The following HCN1 variants were observed in gnomAD, a reference collection of about 807,000 sequenced individuals.
HCN1 encodes hyperpolarization activated cyclic nucleotide gated potassium channel 1, also known as potassium/sodium hyperpolarization-activated cyclic nucleotide-gated channel 1.
In HCN1, 13 loss-of-function variants were observed where a neutral mutation model predicts 78.9. That is an observed-to-expected ratio of 0.16 (90% CI 0.11 to 0.26). The LOEUF (loss-of-function observed/expected upper bound fraction) is 0.26, where lower values mean the gene tolerates loss of function less well. Among genes scored for constraint, HCN1 ranks in the 10% least tolerant of loss-of-function variants. The probability of loss-of-function intolerance (pLI) is 1.00; values close to 1 mark genes in which losing one functional copy is unlikely to be tolerated. For missense variants in HCN1, 810 were observed against 1,154.3 expected, an observed-to-expected ratio of 0.70 and a Z score of 4.32; for synonymous variants, 552 against 455.5, an observed-to-expected ratio of 1.21 and a Z score of -2.70.
At chr5:45,598,628 G>A (rs376193487) in intron 2 of HCN1, among the ~76,000 whole-genome samples, 14 of 152,134 alleles carry the variant, frequency 9.2e-5, no homozygotes, top group African/African-American at 3.1e-4. Context: ...CAGTGAACAG[G>A]CAACCTACAG....
intron 2 of HCN1, among the ~76,000 whole-genome samples, chr5:45,565,659 C>T (rs1368087631): frequency 3.3e-5 from 5 of 151,712 alleles, no homozygotes; most frequent in Non-Finnish European, 5.9e-5. Context: ...CTCACCTCTA[C>T]AAAAAAATCA....
At chr5:45,480,997 G>A (rs1023686932) in intron 2 of HCN1, among the ~76,000 whole-genome samples, 4 of 152,312 alleles carry the variant, frequency 2.6e-5, no homozygotes, top group African/African-American at 7.2e-5. Flanking sequence ...ATGCTAGAAT[G>A]TAAGGCTTAG....
At chr5:45,651,812 A>T (rs1223505548) in intron 1 of HCN1, among the ~76,000 whole-genome samples, 2 of 151,998 alleles carry the variant, frequency 1.3e-5, no homozygotes, top group Non-Finnish European at 2.9e-5. Context: ...TCACAAGGCC[A>T]AATTTATTAT....
At chr5:45,373,555 A>G (rs1223437848) in intron 4 of HCN1, among the ~76,000 whole-genome samples, 2 of 141,224 alleles carry the variant, frequency 1.4e-5, no homozygotes, top group Non-Finnish European at 3.0e-5. Context: ...TCTATAATAT[A>G]TATTACATAC....
intron 6 of HCN1, among the ~76,000 whole-genome samples, chr5:45,279,635 A>G (rs1046206518): frequency 5.3e-5 from 8 of 152,062 alleles, no homozygotes; most frequent in African/African-American, 1.9e-4. Flanking sequence ...ACCATAATAA[A>G]ATCTCATATG....
intron 2 of HCN1, among the ~76,000 whole-genome samples, chr5:45,566,781 T>C (rs2111893063): frequency 6.6e-6 from 1 of 152,268 alleles, no homozygotes; most frequent in Non-Finnish European, 1.5e-5. Context: ...CTGGGACGGG[T>C]TCCTCCCTAT....
intron 2 of HCN1, among the ~76,000 whole-genome samples, chr5:45,566,028 T>C (rs1484999441): frequency 6.6e-6 from 1 of 152,194 alleles, no homozygotes; most frequent in Non-Finnish European, 1.5e-5. Flanking sequence ...TGAATACTGC[T>C]AATTAGTCAT....
chr5:45,588,486 T>A (rs1342280362), intron 2 of HCN1, among the ~76,000 whole-genome samples: 1 of 152,172 alleles, frequency 6.6e-6, no homozygotes, highest in African/African-American at 2.4e-5. Context: ...AAATCCTAGG[T>A]AATCTTTACT....
rs569745966 is a variant in HCN1, at chr5:45,543,327, A to T, written c.850-81320T>A. 7.9e-5 allele frequency among the ~76,000 whole-genome samples: 12 copies of T among 152,216 alleles called. No homozygotes were observed. In the South Asian group the frequency reaches 2.5e-3, roughly 32 times the overall value. ...AAGGAGATAAAAAAAATAAAAAAAT[A>T]AAACCTCCCCAGAAAATATTGGGAA... On this transcript the variant is annotated intron_variant, in intron 2 of 7. Coordinates refer to ENST00000303230, the MANE Select transcript of HCN1 (RefSeq NM_021072.4).
At chr5:45,586,261 G>A (rs937872642) in intron 2 of HCN1, among the ~76,000 whole-genome samples, 13 of 152,188 alleles carry the variant, frequency 8.5e-5, no homozygotes, top group Non-Finnish European at 7.3e-5. Flanking sequence ...CCGCCTTGCA[G>A]TTTGATCTCA....
At chr5:45,605,719 C>T (rs1363932527) in intron 2 of HCN1, among the ~76,000 whole-genome samples, 1 of 151,876 alleles carries the variant, frequency 6.6e-6, no homozygotes, top group East Asian at 1.9e-4. Flanking sequence ...CAGTCCTCAT[C>T]TGAATGAGGA....
chr5:45,325,402 T>A (rs1561107102), intron 5 of HCN1, among the ~76,000 whole-genome samples: 1 of 151,750 alleles, frequency 6.6e-6, no homozygotes, highest in Non-Finnish European at 1.5e-5. Flanking sequence ...AAGCTACATA[T>A]GTATATATTC....
intron 1 of HCN1, among the ~76,000 whole-genome samples, chr5:45,663,715 C>A (rs1457987177): frequency 3.3e-5 from 5 of 152,012 alleles, no homozygotes; most frequent in African/African-American, 1.2e-4. Context: ...AAATGCTCAT[C>A]ATCACTGGCC....
chr5:45,605,583 T>TA (rs889491245), intron 2 of HCN1, among the ~76,000 whole-genome samples: 43 of 151,244 alleles, frequency 2.8e-4, no homozygotes, highest in African/African-American at 4.8e-4. Context: ...TTATCAAAAT[T>TA]AAAAAAAAAT....
intron 4 of HCN1, among the ~76,000 whole-genome samples, chr5:45,361,335 C>T (rs1747105046): frequency 6.6e-6 from 1 of 152,070 alleles, no homozygotes; most frequent in Non-Finnish European, 1.5e-5. Context: ...ACCACCACGC[C>T]CAGCTAATTG....
rs112463068 is a variant in HCN1, at chr5:45,688,892, A to G, written c.425+6777T>C. 5.1e-3 allele frequency among the ~76,000 whole-genome samples: 779 copies of G among 152,242 alleles called. 5 individuals are homozygous for G. The highest frequency in any genetic ancestry group is 0.018 in the African/African-American group (742 of 41,554). On this transcript the variant is annotated intron_variant, in intron 1 of 7. Transcript: ENST00000303230. ...GAAAGAAGCCAATAAAAAATACTAT[A>G]TATTGCATGACTTCACTGATATAAA...
chr5:45,267,640 C>T (rs1052485250), intron 6 of HCN1, among the ~76,000 whole-genome samples: 2 of 151,810 alleles, frequency 1.3e-5, no homozygotes, highest in African/African-American at 2.4e-5. Context: ...TGGTGGCAGG[C>T]GCCTGTAGTC....
chr5:45,312,481 A>G (rs1285905886), intron 5 of HCN1, among the ~76,000 whole-genome samples: 4 of 152,278 alleles, frequency 2.6e-5, no homozygotes, highest in African/African-American at 9.6e-5. Flanking sequence ...CAACTGAGGT[A>G]CCGGGTTCAT....
chr5:45,464,551 G>T (rs1036055526), intron 2 of HCN1, among the ~76,000 whole-genome samples: 2 of 152,080 alleles, frequency 1.3e-5, no homozygotes, highest in South Asian at 2.1e-4. Context: ...TTTGGAGAAG[G>T]TACAAGCAAG....
Sources: gnomAD v4.1 joint callset for allele counts (sites outside exome capture counted in the v4.1 genomes callset) on GRCh38, gnomAD v4.1.1 for gene constraint, MANE v1.5 for transcripts, NCBI Gene and HGNC (gene_info 2026-07-23, HGNC 2026-07-21) for gene names.